DZIP1L: variants seen among roughly 807,000 people sequenced by gnomAD.
The protein encoded by DZIP1L is cilium assembly protein DZIP1L.
DZIP1L carries 90 observed loss-of-function variants against 88.7 expected under a neutral mutation model. That is an observed-to-expected ratio of 1.02 (90% CI 0.86 to 1.21). DZIP1L has a LOEUF of 1.21. Ranked by LOEUF, DZIP1L falls within the 50% of genes most tolerant of loss-of-function variation. The pLI, the probability that DZIP1L is intolerant of heterozygous loss-of-function variation, is 0.00. For synonymous variants in DZIP1L, 363 were observed against 372.1 expected (o/e 0.98, Z 0.28); for missense variants, 932 against 955.8 (o/e 0.98, Z 0.33).
At chr3:138,107,943 C>A (rs1027657489) in intron 1 of DZIP1L, among the ~76,000 whole-genome samples, 2 of 152,138 alleles carry the variant, frequency 1.3e-5, no homozygotes, top group African/African-American at 4.8e-5. Flanking sequence ...TACTCTTTCC[C>A]AACAAGTACT....
At chr3:138,104,092 T>C in intron 1 of DZIP1L, 40 bp from the exon 2 acceptor site, 2 of 1,473,112 alleles carry the variant, frequency 1.4e-6, no homozygotes, top group Non-Finnish European at 1.8e-6. Flanking sequence ...GTGAGGTGTG[T>C]GTGGCTGCAC....
chr3:138,108,228 G>A, intron 1 of DZIP1L: 19 of 985,320 alleles, frequency 1.9e-5, no homozygotes, highest in Non-Finnish European at 2.3e-5. Flanking sequence ...TGCCACCAGA[G>A]CCTCAGAGAC....
At chr3:138,114,379 TTAGA>T (rs777229087) in intron 1 of DZIP1L, among the ~76,000 whole-genome samples, 2 of 152,108 alleles carry the variant, frequency 1.3e-5, no homozygotes, top group East Asian at 1.9e-4. Context: ...TTTTATCAAG[TTAGA>T]TAGTATCAAA....
intron 2 of DZIP1L, chr3:138,102,832 G>A: frequency 1.4e-6 from 1 of 718,880 alleles, no homozygotes; most frequent in South Asian, 1.4e-5. Context: ...GCCAGCACTG[G>A]GCCCACTCAT....
intron 3 of DZIP1L, among the ~76,000 whole-genome samples, chr3:138,096,809 AG>A (rs113646018): frequency 0.025 from 3,879 of 152,264 alleles, 177 homozygotes; most frequent in African/African-American, 0.089. Context: ...GATGGAAAAT[AG>A]GAGGAAAAGT....
Position 138,067,766 on chromosome 3 carries a change from TCAC to T in DZIP1L, c.1833-69_1833-67del, listed in dbSNP as rs200642461. The T allele has an allele frequency of 5.4e-3, 7,994 of 1,473,176 alleles. 338 individuals carry two copies. The African/African-American group carries it at 0.097, about 18-fold the overall frequency. The allele number at this position is 1,473,176 out of a possible 1,614,324, so 91.3% of individuals were successfully genotyped here. ...GAAAGAAAACTTCAAAAGCCAAACT[TCAC>T]CACGCTTCAAGCTGGTTTGGTTTGC... is the stretch of plus-strand genomic sequence containing the variant. On this transcript the variant is annotated intron_variant, in intron 13 of 15. Transcript: ENST00000327532.
rs1942812056 is a variant in DZIP1L, at chr3:138,064,609, T to TA, written c.2142+18dup. 1 of 1,614,100 alleles carries TA rather than the reference T, an allele frequency of 6.2e-7. No homozygotes were observed. The highest frequency in any genetic ancestry group is 1.3e-5 in the African/African-American group (1 of 75,030). On this transcript the variant is annotated intron_variant, in intron 15 of 15. Transcript: ENST00000327532. ...CTGTAGAGAATTCCAGAGTAAACTC[T>TA]AAGCATCCTACATCCTACCTGAGGC...
chr3:138,103,109 A>C (rs1449126168), intron 2 of DZIP1L, among the ~76,000 whole-genome samples: 1 of 148,374 alleles, frequency 6.7e-6, no homozygotes, highest in African/African-American at 2.5e-5. Context: ...GTACCCTTCA[A>C]GTATTCACAC....
In DZIP1L at chr3:138,098,118, G is replaced by C. The variant is rs138422071; in HGVS notation, c.502-271C>G. On this transcript the variant is annotated intron_variant, in intron 2 of 15. Coordinates refer to ENST00000327532, the MANE Select transcript of DZIP1L (RefSeq NM_173543.3). ...TGTTGCTTTTTCAGAGTGTGATGAT[G>C]GTGTTTGTCTATGTTTAAAAGTCAG... 5.9e-5 allele frequency among the ~76,000 whole-genome samples: 9 copies of C among 152,226 alleles called. No homozygotes were observed. In the East Asian group the frequency reaches 1.7e-3, roughly 29 times the overall value.
At chr3:138,074,511 G>A (rs886354613) in intron 11 of DZIP1L, among the ~76,000 whole-genome samples, 4 of 152,192 alleles carry the variant, frequency 2.6e-5, no homozygotes, top group Non-Finnish European at 4.4e-5. Flanking sequence ...AACAAATGCT[G>A]AGAGAATCCG....
At position 138,062,883 on chromosome 3, in the gene DZIP1L, G is replaced by A. The variant is rs577055084; in HGVS notation, c.2237C>T (p.Ser746Leu). The A allele has an allele frequency of 6.2e-7, 1 of 1,614,212 alleles. No individual in the cohort carries two copies. Among genetic ancestry groups the A allele is most frequent in the South Asian group, 1.1e-5 (1 of 91,074 alleles). Reference protein sequence around the residue: ...QREKPKPLSRSKLPEKFGTGP... With the variant: ...QREKPKPLSRLKLPEKFGTGP... ...AGTGCCAAACTTCTCTGGGAGCTTT[G>A]AGCGAGACAAGGGCTTGGGTTTCTC... Residue 746 changes from serine to leucine, a missense_variant, in exon 16 of 16, where the codon TCA becomes TTA. Transcript: ENST00000327532.
intron 10 of DZIP1L, among the ~76,000 whole-genome samples, chr3:138,079,872 T>TA (rs1200946867): frequency 1.4e-4 from 21 of 152,344 alleles, no homozygotes; most frequent in Middle Eastern, 3.4e-3. Context: ...ATCATTGCCT[T>TA]GCTCAAACAA....
chr3:138,113,837 C>A (rs2042653550), intron 1 of DZIP1L, among the ~76,000 whole-genome samples: 1 of 152,194 alleles, frequency 6.6e-6, no homozygotes, highest in Non-Finnish European at 1.5e-5. Context: ...CTATTCCCAG[C>A]AACTTTAAGG....
chr3:138,080,181 A>ACAGCAAAGGCCATTTTAAGT, intron 10 of DZIP1L, among the ~76,000 whole-genome samples: 1 of 152,172 alleles, frequency 6.6e-6, no homozygotes, highest in South Asian at 2.1e-4. Context: ...GTAGAAAAAA[A>ACAGCAAAGGCCATTTTAAGT]CAGCAAAGGC....
intron 10 of DZIP1L, among the ~76,000 whole-genome samples, chr3:138,079,878 A>G (rs1378080902): frequency 1.3e-5 from 2 of 152,214 alleles, no homozygotes; most frequent in Non-Finnish European, 2.9e-5. Context: ...GCCTTGCTCA[A>G]ACAAACGGGA....
intron 1 of DZIP1L, among the ~76,000 whole-genome samples, chr3:138,106,130 T>TC (rs10647482): frequency 0.029 from 3,272 of 111,258 alleles, 157 homozygotes; most frequent in African/African-American, 0.14. Flanking sequence ...CTTCTTTCTT[T>TC]TTTTTTTTTT....
chr3:138,067,806 C>A, intron 13 of DZIP1L, 106 bp from the exon 14 acceptor site: 1 of 1,301,580 alleles, frequency 7.7e-7, no homozygotes, highest in South Asian at 1.8e-5. Flanking sequence ...CAGGGCCAGC[C>A]CTGCTCCCTC....
At position 138,086,961 on chromosome 3, in the gene DZIP1L, C is replaced by G. The variant is rs1309557121; in HGVS notation, c.1062G>C (p.Glu354Asp). Residue 354 changes from glutamate to aspartate, a missense_variant and splice_region_variant, in exon 7 of 16, where the codon GAG becomes GAC. Transcript: ENST00000327532. ...CCCGAGATCACCCAACAAAAGCTAC[C>G]TCTTTCTTCTCAGCCATGTGCTCTT... is the stretch of plus-strand genomic sequence containing the variant. The part of the protein sequence containing the change: ...LHEEHMAEKK[E>D]LQEENQRLQA... 6.2e-7 allele frequency: 1 copy of G among 1,613,488 alleles called. No homozygotes were observed. Among genetic ancestry groups the G allele is most frequent in the Admixed American group, 1.7e-5 (1 of 59,876 alleles).
intron 3 of DZIP1L, 84 bp downstream of exon 3, chr3:138,097,679 C>CTA: frequency 1.6e-6 from 2 of 1,286,664 alleles, no homozygotes; most frequent in Non-Finnish European, 2.2e-6. Context: ...GTTTTGGGTG[C>CTA]TATAGGTGGT....
Sources: gnomAD v4.1 joint callset for allele counts (sites outside exome capture counted in the v4.1 genomes callset) on GRCh38, gnomAD v4.1.1 for gene constraint, MANE v1.5 for transcripts, NCBI Gene and HGNC (gene_info 2026-07-23, HGNC 2026-07-21) for gene names.